Variants in UBASH3B observed in about 807,000 individuals in gnomAD.
UBASH3B encodes the protein ubiquitin associated and SH3 domain containing B.
A neutral mutation model predicts 83.4 loss-of-function variants in UBASH3B; 37 were observed. That is an observed-to-expected ratio of 0.44 (90% CI 0.34 to 0.58). The LOEUF is 0.58. Among genes scored for constraint, UBASH3B ranks in the 20% least tolerant of loss-of-function variants. UBASH3B has a pLI of 0.01. For synonymous variants in UBASH3B, 304 were observed against 318.3 expected (o/e 0.96, Z 0.48); for missense variants, 657 against 827.2 (o/e 0.79, Z 2.52).
Position 122,810,059 on chromosome 11 carries a change from G to T in UBASH3B, c.*173G>T, listed in dbSNP as rs942284314. On this transcript the variant is annotated 3_prime_UTR_variant, in exon 14 of 14. Transcript: ENST00000284273. ...GACTGTGTAAATGAGAGAAAGACTTGATTCAGAGGAAAAAAATGTGTTCTC... is the reference window on the plus strand; with the variant it reads ...GACTGTGTAAATGAGAGAAAGACTTTATTCAGAGGAAAAAAATGTGTTCTC... 3 of 703,684 alleles carry T rather than the reference G, an allele frequency of 4.3e-6. No homozygotes were observed. The African/African-American group carries it at 8.0e-5, about 19-fold the overall frequency. 43.6% of individuals were successfully genotyped at this position (703,684 alleles called of 1,614,324 possible).
At position 122,678,180 on chromosome 11, in the gene UBASH3B, G is replaced by T. The variant is rs189936728; in HGVS notation, c.161+21970G>T. On this transcript the variant is annotated intron_variant, in intron 1 of 13. Transcript: ENST00000284273. Reference sequence around the variant, plus strand: ...AAATACCATCATATTAAAGGTTAGGGCTTCAATATATGAATTTTAAGAGGA... The same window carrying T: ...AAATACCATCATATTAAAGGTTAGGTCTTCAATATATGAATTTTAAGAGGA... Among the ~76,000 whole-genome samples the T allele has an allele frequency of 1.5e-3, 232 of 152,266 alleles. 1 individual carries two copies. Among genetic ancestry groups the T allele is most frequent in the African/African-American group, 5.3e-3 (221 of 41,562 alleles).
intron 1 of UBASH3B, among the ~76,000 whole-genome samples, chr11:122,662,806 A>G (rs1388064070): frequency 1.3e-5 from 2 of 152,006 alleles, no homozygotes; most frequent in Non-Finnish European, 1.5e-5. Context: ...ATACCCTTGT[A>G]CTTGGCTTCT....
rs4936748 is a variant in UBASH3B at position 122,806,005 on chromosome 11, G to T, written c.1596-405G>T. Among the ~76,000 whole-genome samples, 70,011 of 152,058 alleles carry T rather than the reference G, an allele frequency of 0.46. 17,665 individuals carry two copies. The highest frequency in any genetic ancestry group is 0.64 in the African/African-American group (26,676 of 41,470). ...AGAATCAGATGGACCTAATATCTGC[G>T]TTTAAAACCCATCCTTGCTGCTCTT... On this transcript the variant is annotated intron_variant, in intron 11 of 13. Coordinates refer to ENST00000284273, the MANE Select transcript of UBASH3B (RefSeq NM_032873.5). This position sits in a 1 kb window ranked among gnomAD's most constrained non-coding sequence, Gnocchi z 4.0.
At chr11:122,657,826 G>C (rs968768782) in intron 1 of UBASH3B, among the ~76,000 whole-genome samples, 1 of 152,118 alleles carries the variant, frequency 6.6e-6, no homozygotes, top group Non-Finnish European at 1.5e-5. Flanking sequence ...GGTTCTGCAG[G>C]GGTGTGTCAG....
chr11:122,675,415 C>G (rs1234398599), intron 1 of UBASH3B, among the ~76,000 whole-genome samples: 1 of 152,168 alleles, frequency 6.6e-6, no homozygotes, highest in South Asian at 2.1e-4. Flanking sequence ...GGATGCTCAG[C>G]GTTCTGTGGC....
At chr11:122,787,836 C>T (rs1335111297) in intron 5 of UBASH3B, among the ~76,000 whole-genome samples, 1 of 152,090 alleles carries the variant, frequency 6.6e-6, no homozygotes, top group Non-Finnish European at 1.5e-5. Flanking sequence ...CAAATGGAGA[C>T]CAGAATATTT....
chr11:122,753,343 C>T (rs184536674), intron 1 of UBASH3B, among the ~76,000 whole-genome samples: 1 of 151,672 alleles, frequency 6.6e-6, no homozygotes, highest in African/African-American at 2.4e-5. Flanking sequence ...CCCAGCTACT[C>T]AGCAGGCTGA....
At chr11:122,809,650 C>T in intron 13 of UBASH3B, 99 bp from the exon 14 acceptor site, 1 of 1,303,128 alleles carries the variant, frequency 7.7e-7, no homozygotes, top group South Asian at 1.4e-5. Context: ...TTTCTGACTG[C>T]AATTCTCTAG....
At chr11:122,700,497 C>CTTTTTTT (rs10640825) in intron 1 of UBASH3B, among the ~76,000 whole-genome samples, 2 of 118,768 alleles carry the variant, frequency 1.7e-5, no homozygotes, top group Non-Finnish European at 1.6e-5. Context: ...TACTTCTGAT[C>CTTTTTTT]TTTTTTTTTT....
At chr11:122,802,991 C>A (rs1371943478) in intron 11 of UBASH3B, among the ~76,000 whole-genome samples, 1 of 152,108 alleles carries the variant, frequency 6.6e-6, no homozygotes, top group East Asian at 1.9e-4. Context: ...AGCGGCCTTA[C>A]AAAGGTCTCC....
intron 1 of UBASH3B, among the ~76,000 whole-genome samples, chr11:122,760,610 C>G (rs1170595805): frequency 2.6e-5 from 4 of 152,192 alleles, no homozygotes; most frequent in Non-Finnish European, 5.9e-5. Flanking sequence ...ATCCACCCAC[C>G]TTGGCCTCCC....
intron 1 of UBASH3B, among the ~76,000 whole-genome samples, chr11:122,681,241 C>CTA (rs977923059): frequency 6.6e-6 from 1 of 152,120 alleles, no homozygotes; most frequent in Admixed American, 6.5e-5. Context: ...TGTAGGGTGT[C>CTA]TAAGTGATTT....
chr11:122,799,106 C>T, intron 10 of UBASH3B, 72 bp downstream of exon 10: 1 of 1,279,512 alleles, frequency 7.8e-7, no homozygotes, highest in Non-Finnish European at 1.1e-6. Context: ...CATAAATTAT[C>T]TTAGAGCCAT....
At chr11:122,774,701 A>G (rs945936970) in intron 1 of UBASH3B, among the ~76,000 whole-genome samples, 3 of 152,214 alleles carry the variant, frequency 2.0e-5, no homozygotes, top group African/African-American at 7.2e-5. Context: ...AAGGATCCTG[A>G]ATCAACGTAG....
intron 1 of UBASH3B, among the ~76,000 whole-genome samples, chr11:122,750,341 C>G (rs958739548): frequency 7.2e-5 from 11 of 152,194 alleles, no homozygotes; most frequent in African/African-American, 2.7e-4. Flanking sequence ...AACACATCGG[C>G]TGGGTGGAAC....
At position 122,796,979 on chromosome 11, in the gene UBASH3B, T is replaced by C; in HGVS notation, c.1303T>C (p.Tyr435His). 1 of 1,614,144 alleles carries C rather than the reference T, an allele frequency of 6.2e-7. No homozygotes were observed. The highest frequency in any genetic ancestry group is 1.1e-5 in the South Asian group (1 of 91,082). ...LPQRSGGFRD[Y>H]EKDAPITVFG... ...TCAGCGGAGTGGTGGTTTCCGAGAT[T>C]ACGAGAAAGATGCTCCCATCACTGT... Residue 435 changes from tyrosine (Y) to histidine (H), a missense_variant, in exon 9 of 14, where the codon TAC becomes CAC. Tyr to His is a moderately conservative substitution (Grantham distance 83). Around this residue, in one of 3 missense-constraint regions of UBASH3B, gnomAD observed 573 missense variants for 739.0 expected, o/e 0.78. Transcript: ENST00000284273.
chr11:122,747,376 A>G (rs1861135032), intron 1 of UBASH3B, among the ~76,000 whole-genome samples: 1 of 152,142 alleles, frequency 6.6e-6, no homozygotes. Flanking sequence ...CCAGCCAAGG[A>G]GTTTGGGGAA....
At chr11:122,773,044 A>C (rs1215029315) in intron 1 of UBASH3B, among the ~76,000 whole-genome samples, 1 of 152,208 alleles carries the variant, frequency 6.6e-6, no homozygotes. Flanking sequence ...TTTTAGTTTA[A>C]AGGGATATGC....
intron 1 of UBASH3B, among the ~76,000 whole-genome samples, chr11:122,664,625 G>A (rs10892873): frequency 6.6e-6 from 1 of 151,956 alleles, no homozygotes; most frequent in Admixed American, 6.6e-5. Context: ...GTATGTGATA[G>A]GTGATCCCTT....
Sources: allele counts gnomAD v4.1 joint callset (sites outside exome capture counted in the v4.1 genomes callset), GRCh38; gene constraint gnomAD v4.1.1; regional missense constraint gnomAD v4.1.1; non-coding constraint Gnocchi (gnomAD v3.1); transcripts MANE v1.5; gene names NCBI Gene and HGNC (gene_info 2026-07-23, HGNC 2026-07-21).